The following UTRN variants were observed in gnomAD, a reference collection of about 807,000 sequenced individuals.
The protein encoded by UTRN is utrophin.
Under a neutral mutation model 463.9 loss-of-function variants are expected in UTRN, and 283 were observed. The observed-to-expected ratio is 0.61, with a 90% CI of 0.55 to 0.67. The LOEUF (loss-of-function observed/expected upper bound fraction) is 0.67, where lower values mean the gene tolerates loss of function less well. Among genes scored for constraint, UTRN ranks in the 30% least tolerant of loss-of-function variants. UTRN has a pLI of 0.00. For missense variants in UTRN, 3,922 were observed against 4,084.3 expected, an observed-to-expected ratio of 0.96 and a Z score of 1.08; for synonymous variants, 1,442 against 1,431.5, an observed-to-expected ratio of 1.01 and a Z score of -0.17.
intron 51 of UTRN, among the ~76,000 whole-genome samples, chr6:144,652,655 G>A (rs755218289): frequency 2.0e-5 from 3 of 152,186 alleles, no homozygotes; most frequent in African/African-American, 4.8e-5. Flanking sequence ...AGGGATACTC[G>A]TTTCCTTGGG....
At chr6:144,387,206 G>A (rs1489823800) in intron 2 of UTRN, among the ~76,000 whole-genome samples, 6 of 152,086 alleles carry the variant, frequency 3.9e-5, no homozygotes, top group Non-Finnish European at 8.8e-5. Context: ...GCAGCGGCGC[G>A]ATCTTGGCTC....
At chr6:144,561,252 T>TACAC (rs1228816640) in intron 50 of UTRN, among the ~76,000 whole-genome samples, 717 of 47,882 alleles carry the variant, frequency 0.015, 24 homozygotes, top group South Asian at 0.041. Flanking sequence ...TATATATATA[T>TACAC]ATATATATAC....
At chr6:144,598,303 GT>G (rs1562627972) in intron 51 of UTRN, among the ~76,000 whole-genome samples, 2 of 152,218 alleles carry the variant, frequency 1.3e-5, no homozygotes, top group Non-Finnish European at 2.9e-5. Flanking sequence ...TGGCTTCCAT[GT>G]CGTAGGAGGA....
rs1322156979 is a variant in UTRN, at chr6:144,459,335, T to C, written c.2688T>C (p.Arg896=). Residue 896 remains arginine (R), a synonymous_variant, in exon 21 of 75, where the codon CGT becomes CGC. Coordinates refer to ENST00000367545, the MANE Select transcript of UTRN (RefSeq NM_007124.3). The stretch of plus-strand genomic sequence containing the variant: ...CTGTACAAGAGGCTGTAGAGGATCG[T>C]CAACAACATCTAGAGAATGGTAAAC... ...YQAVQEAVED[R]QQHLENELKG... 4 of 1,604,532 alleles carry C rather than the reference T, an allele frequency of 2.5e-6. No homozygotes were observed. In the African/African-American group the frequency reaches 5.4e-5, roughly 22 times the overall value.
chr6:144,700,557 T>G lies in UTRN; in HGVS notation c.7809+314T>G, dbSNP rs561882452. On this transcript the variant is annotated intron_variant, in intron 53 of 74. Coordinates refer to ENST00000367545, the MANE Select transcript of UTRN (RefSeq NM_007124.3). ...TAATATATTGAGGTTTTGGGTTTTT[T>G]TTGTTTTTTGTTTGTTTGTTTGTTT... 4.0e-5 allele frequency among the ~76,000 whole-genome samples: 6 copies of G among 151,848 alleles called. No individual in the cohort carries two copies. The East Asian group carries it at 9.7e-4, about 24-fold the overall frequency.
At chr6:144,754,052 C>G (rs1791701237) in intron 56 of UTRN, among the ~76,000 whole-genome samples, 1 of 152,112 alleles carries the variant, frequency 6.6e-6, no homozygotes, top group Admixed American at 6.6e-5. Context: ...CTTCTACCAC[C>G]TCACTCACTC....
chr6:144,521,906 G>T, intron 39 of UTRN, 74 bp from the exon 40 acceptor site: 1 of 954,132 alleles, frequency 1.0e-6, no homozygotes, highest in Non-Finnish European at 1.4e-6. Flanking sequence ...CAATAGTCTT[G>T]TTATTATTCA....
chr6:144,453,342 C>G (rs572951241), intron 18 of UTRN, among the ~76,000 whole-genome samples: 1 of 152,298 alleles, frequency 6.6e-6, no homozygotes, highest in South Asian at 2.1e-4. Context: ...AGACTGGTCT[C>G]AAACTCCTGA....
chr6:144,752,025 C>A (rs878855601), intron 56 of UTRN, 73 bp downstream of exon 56: 2 of 1,358,420 alleles, frequency 1.5e-6, no homozygotes, highest in South Asian at 3.8e-5. Flanking sequence ...CACTATATTA[C>A]CACTCACCGT....
chr6:144,544,873 G>T (rs1225959877), intron 46 of UTRN, among the ~76,000 whole-genome samples: 1 of 151,646 alleles, frequency 6.6e-6, no homozygotes, highest in African/African-American at 2.4e-5. Flanking sequence ...GGCTGCTTAC[G>T]TATCCTCTTT....
At position 144,708,421 on chromosome 6, in the gene UTRN, C is replaced by G. The variant is rs185592396; in HGVS notation, c.7809+8178C>G. On this transcript the variant is annotated intron_variant, in intron 53 of 74. Transcript: ENST00000367545. ...CTTTGCCTTTGGCCTCTCATATTTT[C>G]CTTTCTTCTCTAGAGGCTCTGACTC... 6.3e-6 allele frequency: 4 copies of G among 638,434 alleles called. No homozygotes were observed. In the East Asian group the frequency reaches 1.4e-4, roughly 23 times the overall value. 39.5% of individuals were successfully genotyped at this position (638,434 alleles called of 1,614,324 possible).
At chr6:144,451,885 T>A (rs1289080123) in intron 18 of UTRN, among the ~76,000 whole-genome samples, 1 of 152,228 alleles carries the variant, frequency 6.6e-6, no homozygotes, top group East Asian at 1.9e-4. Flanking sequence ...AATCAAAAAG[T>A]GTATTCAATA....
chr6:144,403,233 T>C (rs1783082819), intron 3 of UTRN, 49 bp downstream of exon 3: 2 of 1,550,238 alleles, frequency 1.3e-6, no homozygotes, highest in Admixed American at 1.7e-5. Context: ...CGCATTCTGA[T>C]TGAAGGAGTT....
At chr6:144,730,215 A>AT in intron 53 of UTRN, 142 bp from the exon 54 acceptor site, 1 of 918,402 alleles carries the variant, frequency 1.1e-6, no homozygotes, top group Non-Finnish European at 1.5e-6. Context: ...TAAAATTTAC[A>AT]TTTTGGCTTC....
chr6:144,669,999 A>G (rs1392997789), intron 51 of UTRN, among the ~76,000 whole-genome samples: 1 of 148,936 alleles, frequency 6.7e-6, no homozygotes, highest in Non-Finnish European at 1.5e-5. Flanking sequence ...GTATACATAT[A>G]TGTTTACATT....
intron 58 of UTRN, 41 bp from the exon 59 acceptor site, chr6:144,771,866 G>T (rs11964759): frequency 2.6e-6 from 4 of 1,530,730 alleles, no homozygotes; most frequent in African/African-American, 1.4e-5. Flanking sequence ...GAAGTTTTTT[G>T]ATTTTTTGTT....
rs78430029 is a variant in UTRN, at chr6:144,775,914, C to T, written c.8632+1550C>T. Among the ~76,000 whole-genome samples the T allele has an allele frequency of 3.3e-3, 510 of 152,286 alleles. 20 individuals are homozygous for T. In the East Asian group the frequency reaches 0.078, roughly 23 times the overall value. On this transcript the variant is annotated intron_variant, in intron 60 of 74. Transcript: ENST00000367545. ...TCAAACCTGAGAGGAACAGAAGGGA[C>T]GCTTCTCCAACTTCTAAACTAAACG...
At chr6:144,504,273 A>G (rs1473679810) in intron 34 of UTRN, among the ~76,000 whole-genome samples, 2 of 152,196 alleles carry the variant, frequency 1.3e-5, no homozygotes, top group Non-Finnish European at 2.9e-5. Context: ...TTCCAATACT[A>G]TATTGAATAG....
chr6:144,663,356 A>C (rs1585861188), intron 51 of UTRN, among the ~76,000 whole-genome samples: 3 of 147,772 alleles, frequency 2.0e-5, no homozygotes, highest in African/African-American at 7.3e-5. Context: ...CCACCAACAC[A>C]CCTCTCTGAG....
Sources: gnomAD v4.1 joint callset for allele counts (sites outside exome capture counted in the v4.1 genomes callset) on GRCh38, gnomAD v4.1.1 for gene constraint, MANE v1.5 for transcripts, NCBI Gene and HGNC (gene_info 2026-07-23, HGNC 2026-07-21) for gene names.